Variants in ABCB9 observed in about 807,000 individuals in gnomAD.
ABCB9 encodes ATP binding cassette subfamily B member 9.
Under a neutral mutation model 62.0 loss-of-function variants are expected in ABCB9, and 36 were observed. That is an observed-to-expected ratio of 0.58 (90% CI 0.45 to 0.77). The LOEUF (loss-of-function observed/expected upper bound fraction) is 0.77, where lower values mean the gene tolerates loss of function less well. Ranked by LOEUF, ABCB9 falls within the 30% of genes least tolerant of loss-of-function variation. ABCB9 has a pLI of 0.00. For synonymous variants in ABCB9, 435 were observed against 461.4 expected, an observed-to-expected ratio of 0.94 and a Z score of 0.73; for missense variants, 943 against 1,054.7, an observed-to-expected ratio of 0.89 and a Z score of 1.47.
chr12:122,923,373 C>T (rs566019512), intron 11 of ABCB9, among the ~76,000 whole-genome samples: 5 of 152,280 alleles, frequency 3.3e-5, no homozygotes, highest in East Asian at 3.9e-4. Flanking sequence ...CTGCAAGCTC[C>T]GCCTCCCGGG....
At position 122,947,208 on chromosome 12, in the gene ABCB9, G is replaced by A. The variant is rs934583997; in HGVS notation, c.1054-986C>T. 6.6e-6 allele frequency among the ~76,000 whole-genome samples: 1 copy of A among 152,228 alleles called. No individual in the cohort carries two copies. Among genetic ancestry groups the A allele is most frequent in the Non-Finnish European group, 1.5e-5 (1 of 68,048 alleles). Reference sequence around the variant, plus strand: ...TCCAGGGTTTCTTGCTCCATCCCAGGGGCTGGTGGGAAGGCCGGAAGCAAG... The same window carrying A: ...TCCAGGGTTTCTTGCTCCATCCCAGAGGCTGGTGGGAAGGCCGGAAGCAAG... On this transcript the variant is annotated intron_variant, in intron 5 of 11. Coordinates refer to ENST00000280560, the MANE Select transcript of ABCB9 (RefSeq NM_019625.4). The surrounding 1 kb of genome is among the most constrained non-coding windows in gnomAD (Gnocchi z 6.0).
chr12:122,973,088 A>G lies in ABCB9; in HGVS notation c.-88+1627T>C, dbSNP rs924220542. The G allele has an allele frequency of 4.6e-5, 7 of 152,240 alleles. 1 individual carries two copies. The highest frequency in any genetic ancestry group is 3.9e-4 in the Admixed American group (6 of 15,284). 9.4% of individuals were successfully genotyped at this position (152,240 alleles called of 1,614,324 possible). A position where few individuals can be genotyped will look rare whatever the true frequency, so the allele number is the denominator to read the frequency against. On this transcript the variant is annotated intron_variant, in intron 1 of 11. Transcript: ENST00000392439. ...ACATGTCAGCGCTGGCTGGCAGCACATGTTGATTCAGTACTTGCTGGTAAA... is the reference window on the plus strand; with the variant it reads ...ACATGTCAGCGCTGGCTGGCAGCACGTGTTGATTCAGTACTTGCTGGTAAA...
rs2036030405 is a variant in ABCB9, at chr12:122,946,065, T to A, written c.1211A>T (p.Lys404Met). The A allele has an allele frequency of 6.2e-7, 1 of 1,613,846 alleles. No individual in the cohort carries two copies. The highest frequency in any genetic ancestry group is 8.5e-7 in the Non-Finnish European group (1 of 1,180,030). Reference protein sequence around the residue: ...KLQQVYKLNRKEAAAYMYYVW... With the variant: ...KLQQVYKLNRMEAAAYMYYVW... ...GTAGTACATGTAGGCAGCTGCCTCCTTCCTGTTCAGCTTGTACACCTGCTG... is the reference window on the plus strand; with the variant it reads ...GTAGTACATGTAGGCAGCTGCCTCCATCCTGTTCAGCTTGTACACCTGCTG... The change falls in exon 6 of 12, where the codon AAG becomes ATG. Residue 404 changes from lysine to methionine, a missense_variant. Physicochemically the swap from Lys to Met is moderately conservative, Grantham distance 95 (BLOSUM62 -1). Coordinates refer to ENST00000280560, the MANE Select transcript of ABCB9 (RefSeq NM_019625.4).
In ABCB9 at chr12:122,959,587, C is replaced by A; in HGVS notation, c.601+48G>T. 1 of 1,512,050 alleles carries A rather than the reference C, an allele frequency of 6.6e-7. No individual in the cohort carries two copies. Among genetic ancestry groups the A allele is most frequent in the South Asian group, 1.3e-5 (1 of 74,944 alleles). The allele number at this position is 1,512,050 out of a possible 1,614,324, so 93.7% of individuals were successfully genotyped here. A position where few individuals can be genotyped will look rare whatever the true frequency, so the allele number is the denominator to read the frequency against. On this transcript the variant is annotated intron_variant, in intron 2 of 11. Coordinates refer to ENST00000280560, the MANE Select transcript of ABCB9 (RefSeq NM_019625.4). The surrounding 1 kb of genome is among the most constrained non-coding windows in gnomAD (Gnocchi z 5.4). The stretch of plus-strand genomic sequence containing the variant: ...TTAAAATCTAAGGCAGTCATATCCA[C>A]CTAATTTGATGTTCTGGTGGCCACA...
At chr12:122,969,540 AG>A (rs2037247406), upstream of ABCB9, among the ~76,000 whole-genome samples, 1 of 152,178 alleles carries the variant, frequency 6.6e-6, no homozygotes, top group Admixed American at 6.5e-5. Context: ...ACTTGAACCC[AG>A]CCCGGGCAAC....
At chr12:122,924,694 C>T (rs899303004), downstream of ABCB9, 6 of 1,525,158 alleles carry the variant, frequency 3.9e-6, no homozygotes, top group African/African-American at 2.7e-5. Flanking sequence ...CCTGGGGTGC[C>T]GTGCTCCTCT....
rs1245853227 is a variant in ABCB9, at chr12:122,930,374, C to T, written c.2041-203G>A. 1.3e-5 allele frequency among the ~76,000 whole-genome samples: 2 copies of T among 151,992 alleles called. No homozygotes were observed. Among genetic ancestry groups the T allele is most frequent in the South Asian group, 2.1e-4 (1 of 4,804 alleles). ...CTGGTGAATGGGGGATCAGCTCTAC[C>T]CTGGCCCTCCAGTCTTCTGGTCCTT... is the stretch of plus-strand genomic sequence containing the variant. On this transcript the variant is annotated intron_variant, in intron 11 of 11. Transcript: ENST00000280560. This position sits in a 1 kb window ranked among gnomAD's most constrained non-coding sequence, Gnocchi z 4.9.
In ABCB9 at chr12:122,942,605, C is replaced by A. The variant is rs187786472; in HGVS notation, c.1381-1610G>T. On this transcript the variant is annotated intron_variant, in intron 7 of 11. Coordinates refer to ENST00000280560, the MANE Select transcript of ABCB9 (RefSeq NM_019625.4). ...CTGTACTCCAGCCTGGGCGACAGAG[C>A]AAGACTCCATCTCAAAAAAAAAAAA... is the stretch of plus-strand genomic sequence containing the variant. 2.1e-3 allele frequency among the ~76,000 whole-genome samples: 242 copies of A among 115,910 alleles called. 2 individuals carry two copies. Among genetic ancestry groups the A allele is most frequent in the African/African-American group, 8.0e-3 (236 of 29,472 alleles). The allele number at this position is 115,910 out of a possible 152,430, so 76.0% of individuals were successfully genotyped here.
At position 122,959,490 on chromosome 12, in the gene ABCB9, T is replaced by A; in HGVS notation, c.601+145A>T. The A allele has an allele frequency of 7.4e-7, 1 of 1,343,996 alleles. No individual in the cohort carries two copies. The highest frequency in any genetic ancestry group is 1.0e-6 in the Non-Finnish European group (1 of 994,400). 83.3% of individuals were successfully genotyped at this position (1,343,996 alleles called of 1,614,324 possible). A position where few individuals can be genotyped will look rare whatever the true frequency, so the allele number is the denominator to read the frequency against. On this transcript the variant is annotated intron_variant, in intron 2 of 11. Transcript: ENST00000280560. This position sits in a 1 kb window ranked among gnomAD's most constrained non-coding sequence, Gnocchi z 5.4. The stretch of plus-strand genomic sequence containing the variant: ...CCTCCCAAAGTGCTGGGATTATAGA[T>A]ATGAGCCACTATGCCTGGCCTCTTT...
Position 122,932,469 on chromosome 12 carries a change from C to T in ABCB9, c.1904-141G>A, listed in dbSNP as rs1009911714. On this transcript the variant is annotated intron_variant, in intron 10 of 11. Coordinates refer to ENST00000280560, the MANE Select transcript of ABCB9 (RefSeq NM_019625.4). The surrounding 1 kb of genome is among the most constrained non-coding windows in gnomAD (Gnocchi z 4.7). ...GAAAGCTCATGAAATGATGTTCCCCCCACCCAACTCATAAGGGGCATGCAG... is the reference window on the plus strand; with the variant it reads ...GAAAGCTCATGAAATGATGTTCCCCTCACCCAACTCATAAGGGGCATGCAG... The T allele has an allele frequency of 7.0e-6, 8 of 1,144,840 alleles. No homozygotes were observed. Among genetic ancestry groups the T allele is most frequent in the Non-Finnish European group, 9.6e-6 (8 of 833,884 alleles). The allele number at this position is 1,144,840 out of a possible 1,614,324, so 70.9% of individuals were successfully genotyped here. A position where few individuals can be genotyped will look rare whatever the true frequency, so the allele number is the denominator to read the frequency against.
intron 1 of ABCB9, among the ~76,000 whole-genome samples, chr12:122,965,438 G>A (rs1294649405): frequency 2.6e-5 from 4 of 152,224 alleles, no homozygotes; most frequent in Non-Finnish European, 5.9e-5. Context: ...CTGACTGTGG[G>A]GGTCCCTGGC....
In ABCB9 at chr12:122,950,580, G is replaced by A. The variant is rs761891673; in HGVS notation, c.602-15C>T. ...GAAGGTCTCTCCTGGGGGAGGCAGG[G>A]CAGCCTCAGGGACGTCTGCAGCCAG... On this transcript the variant is annotated splice_polypyrimidine_tract_variant and intron_variant, in intron 2 of 11. Coordinates refer to ENST00000280560, the MANE Select transcript of ABCB9 (RefSeq NM_019625.4). 5.6e-6 allele frequency: 9 copies of A among 1,603,696 alleles called. No homozygotes were observed. In the South Asian group the frequency reaches 9.9e-5, roughly 18 times the overall value.
At position 122,940,309 on chromosome 12, in the gene ABCB9, G is replaced by A. The variant is rs1204614444; in HGVS notation, c.1570-25C>T. ...TCTGCAAAGAACACACAGGCACAGT[G>A]CGGGGTTATCGGCTCAGGTCCCAGG... On this transcript the variant is annotated intron_variant, in intron 8 of 11. Coordinates refer to ENST00000280560, the MANE Select transcript of ABCB9 (RefSeq NM_019625.4). The surrounding 1 kb of genome is among the most constrained non-coding windows in gnomAD (Gnocchi z 4.8). 2.6e-6 allele frequency: 4 copies of A among 1,545,644 alleles called. No homozygotes were observed.
rs1232328046 is a variant in ABCB9 at position 122,948,927 on chromosome 12, C to T, written c.848-98G>A. On this transcript the variant is annotated intron_variant, in intron 4 of 11. Coordinates refer to ENST00000280560, the MANE Select transcript of ABCB9 (RefSeq NM_019625.4). ...GCCTCTGAGACAGACACTGGGAAGC[C>T]GGGCCTCCCTACCTGTGGGCGGGGT... 19 of 411,594 alleles carry T rather than the reference C, an allele frequency of 4.6e-5. No homozygotes were observed. The South Asian group carries it at 4.8e-4, about 10-fold the overall frequency. 25.5% of individuals were successfully genotyped at this position (411,594 alleles called of 1,614,324 possible). A position where few individuals can be genotyped will look rare whatever the true frequency, so the allele number is the denominator to read the frequency against.
At chr12:122,921,139 G>T in intron 11 of ABCB9, 1 of 1,235,776 alleles carries the variant, frequency 8.1e-7, no homozygotes, top group Admixed American at 2.0e-5. Flanking sequence ...GGTTGGCTGG[G>T]CGTGATGGGG....
chr12:122,951,040 G>T (rs2036341302), intron 2 of ABCB9: 1 of 150,056 alleles, frequency 6.7e-6, no homozygotes, highest in South Asian at 2.1e-4. Context: ...AGAGACAGGG[G>T]TCTCACTATG....
In ABCB9 at chr12:122,947,029, C is replaced by T. The variant is rs2036078783; in HGVS notation, c.1054-807G>A. Among the ~76,000 whole-genome samples the T allele has an allele frequency of 1.3e-5, 2 of 152,202 alleles. No individual in the cohort carries two copies. Among genetic ancestry groups the T allele is most frequent in the African/African-American group, 2.4e-5 (1 of 41,444 alleles). ...TGCCTGAGTCATGTTTGGCCATGGG[C>T]GGTGTGTGTGGTTTGTGGAGATGAC... On this transcript the variant is annotated intron_variant, in intron 5 of 11. Transcript: ENST00000280560. The surrounding 1 kb of genome is among the most constrained non-coding windows in gnomAD (Gnocchi z 6.0).
exon 1 of ABCB9, chr12:122,974,913 G>C (rs552548155): frequency 2.4e-5 from 5 of 209,210 alleles, no homozygotes; most frequent in Admixed American, 5.7e-5. Flanking sequence ...GCAGACGGCG[G>C]GGGGTGGGTC....
Position 122,930,463 on chromosome 12 carries a change from G to A in ABCB9, c.2041-292C>T, listed in dbSNP as rs1022679144. Among the ~76,000 whole-genome samples the A allele has an allele frequency of 1.1e-4, 17 of 149,116 alleles. No homozygotes were observed. Among genetic ancestry groups the A allele is most frequent in the Admixed American group, 6.7e-4 (10 of 14,970 alleles). On this transcript the variant is annotated intron_variant, in intron 11 of 11. Coordinates refer to ENST00000280560, the MANE Select transcript of ABCB9 (RefSeq NM_019625.4). This position sits in a 1 kb window ranked among gnomAD's most constrained non-coding sequence, Gnocchi z 4.9. ...CTTGCTGTCACCCAGGCTGGAGTGC[G>A]GTGGTGCGATCTCAGCTCACTGCAA...
Sources: gnomAD v4.1 joint callset for allele counts (sites outside exome capture counted in the v4.1 genomes callset) on GRCh38, gnomAD v4.1.1 for gene constraint, Gnocchi (gnomAD v3.1) non-coding constraint, MANE v1.5 for transcripts, NCBI Gene and HGNC (gene_info 2026-07-23, HGNC 2026-07-21) for gene names.